The following SUMF1 variants were observed in gnomAD, a reference collection of about 807,000 sequenced individuals.
SUMF1 encodes sulfatase modifying factor 1, also known as formylglycine-generating enzyme.
A neutral mutation model predicts 47.6 loss-of-function variants in SUMF1; 48 were observed. The observed-to-expected ratio is 1.01, with a 90% confidence interval of 0.80 to 1.28. SUMF1 has a LOEUF of 1.28. SUMF1 is among the 50% of genes most tolerant of loss of function. SUMF1 has a pLI of 0.00. For missense variants in SUMF1, 571 were observed against 485.4 expected (o/e 1.18, Z -1.66); for synonymous variants, 230 against 192.1 (o/e 1.20, Z -1.63).
chr3:4,327,999 C>T (rs193270272), intron 8 of SUMF1, among the ~76,000 whole-genome samples: 2 of 152,260 alleles, frequency 1.3e-5, no homozygotes, highest in African/African-American at 4.8e-5. Context: ...GAGGATCACT[C>T]GAGTCTAGGA....
chr3:4,358,405 G>A (rs1699670008), downstream of SUMF1, among the ~76,000 whole-genome samples: 1 of 152,124 alleles, frequency 6.6e-6, no homozygotes, highest in Admixed American at 6.5e-5. Context: ...TACTGCAACT[G>A]GCACATCGAC....
intron 8 of SUMF1, among the ~76,000 whole-genome samples, chr3:4,248,904 G>T (rs184408124): frequency 2.0e-5 from 3 of 152,292 alleles, no homozygotes; most frequent in African/African-American, 7.2e-5. Flanking sequence ...TTGCTGAGAG[G>T]ATCAGCTGAC....
intron 6 of SUMF1, among the ~76,000 whole-genome samples, chr3:4,414,163 C>A (rs969141617): frequency 6.6e-6 from 1 of 152,150 alleles, no homozygotes; most frequent in Non-Finnish European, 1.5e-5. Flanking sequence ...CCGCACCTGG[C>A]CCCAAACAAA....
downstream of SUMF1, among the ~76,000 whole-genome samples, chr3:4,357,063 C>A (rs1699635420): frequency 6.6e-6 from 1 of 152,202 alleles, no homozygotes; most frequent in South Asian, 2.1e-4. Flanking sequence ...GAGAAATCTA[C>A]ATCCCAGATC....
intron 9 of SUMF1, among the ~76,000 whole-genome samples, chr3:4,047,260 A>G (rs1442995077): frequency 2.0e-5 from 3 of 152,058 alleles, no homozygotes; most frequent in Non-Finnish European, 4.4e-5. Context: ...GTTTTCTTGC[A>G]TGTTGTCAAT....
chr3:4,038,071 C>CTGTA (rs1694833308), intron 9 of SUMF1, among the ~76,000 whole-genome samples: 1 of 152,134 alleles, frequency 6.6e-6, no homozygotes, highest in South Asian at 2.1e-4. Context: ...TAAGAGCTGG[C>CTGTA]TGTAGATCGT....
At chr3:4,300,472 A>T (rs1039253328) in intron 8 of SUMF1, among the ~76,000 whole-genome samples, 2 of 152,258 alleles carry the variant, frequency 1.3e-5, no homozygotes, top group Non-Finnish European at 2.9e-5. Context: ...TCAGATGTGT[A>T]CTGCAGTGCA....
At chr3:4,417,017 C>T (rs570447964) in intron 6 of SUMF1, 111 bp downstream of exon 6, 77 of 991,818 alleles carry the variant, frequency 7.8e-5, no homozygotes, top group South Asian at 7.3e-4. Flanking sequence ...AATGCATACA[C>T]GAAGGGAACA....
chr3:4,446,076 A>G (rs1304771745), intron 3 of SUMF1, among the ~76,000 whole-genome samples: 1 of 152,244 alleles, frequency 6.6e-6, no homozygotes, highest in African/African-American at 2.4e-5. Context: ...AACAATGGTT[A>G]AGAAATAGTA....
chr3:4,110,802 T>G (rs1196531717), intron 8 of SUMF1, among the ~76,000 whole-genome samples: 17 of 130,510 alleles, frequency 1.3e-4, no homozygotes, highest in African/African-American at 5.1e-4. Flanking sequence ...ATGAGAACAC[T>G]TGGACACAGG....
intron 7 of SUMF1, among the ~76,000 whole-genome samples, chr3:4,408,062 T>C (rs1164581094): frequency 6.6e-6 from 1 of 152,152 alleles, no homozygotes; most frequent in Non-Finnish European, 1.5e-5. Flanking sequence ...CATCACACTA[T>C]CTAGATCTCA....
chr3:4,464,412 T>TTG (rs10667318), intron 1 of SUMF1, among the ~76,000 whole-genome samples: 3,764 of 150,598 alleles, frequency 0.025, 58 homozygotes, highest in African/African-American at 0.028. Context: ...CTGTGTGTGT[T>TTG]TGTGTGTGTG....
At chr3:4,117,524 A>G (rs1277264497) in intron 8 of SUMF1, among the ~76,000 whole-genome samples, 1 of 152,046 alleles carries the variant, frequency 6.6e-6, no homozygotes, top group African/African-American at 2.4e-5. Flanking sequence ...AGGGGAAGAA[A>G]ATAGGTGGCT....
At chr3:4,274,193 A>G (rs766626243) in intron 8 of SUMF1, among the ~76,000 whole-genome samples, 5 of 152,164 alleles carry the variant, frequency 3.3e-5, no homozygotes, top group Non-Finnish European at 5.9e-5. Flanking sequence ...TGACAAAACT[A>G]TTCTTCCTCC....
chr3:4,439,600 T>C (rs1702512333), intron 3 of SUMF1, among the ~76,000 whole-genome samples: 1 of 152,140 alleles, frequency 6.6e-6, no homozygotes, highest in South Asian at 2.1e-4. Context: ...ACCAAATCTC[T>C]CTCACTCAAA....
intron 8 of SUMF1, among the ~76,000 whole-genome samples, chr3:4,338,506 T>C (rs1296370083): frequency 2.6e-5 from 4 of 152,150 alleles, no homozygotes; most frequent in South Asian, 4.2e-4. Context: ...TCACAAACGT[T>C]TGTCAAGAAT....
At chr3:4,084,956 A>C (rs1692640984) in intron 8 of SUMF1, among the ~76,000 whole-genome samples, 1 of 152,052 alleles carries the variant, frequency 6.6e-6, no homozygotes, top group Non-Finnish European at 1.5e-5. Flanking sequence ...CAGTGACTAC[A>C]AGTCAATGAA....
chr3:4,323,659 G>T (rs1333405311), intron 8 of SUMF1, among the ~76,000 whole-genome samples: 4 of 152,118 alleles, frequency 2.6e-5, no homozygotes, highest in African/African-American at 9.7e-5. Context: ...TTAGAAACTG[G>T]TAACTTGTGA....
At chr3:4,336,252 A>G (rs1273089286) in intron 8 of SUMF1, among the ~76,000 whole-genome samples, 3 of 151,962 alleles carry the variant, frequency 2.0e-5, no homozygotes, top group Non-Finnish European at 4.4e-5. Flanking sequence ...CAAAAAGGGG[A>G]AAAAAGGAGA....
Sources: gnomAD v4.1 joint callset for allele counts (sites outside exome capture counted in the v4.1 genomes callset) on GRCh38, gnomAD v4.1.1 for gene constraint, MANE v1.5 for transcripts, NCBI Gene and HGNC (gene_info 2026-07-23, HGNC 2026-07-21) for gene names.